PNISR: variants seen among roughly 807,000 people sequenced by gnomAD.
PNISR encodes the protein PNN interacting serine and arginine rich protein, also known as arginine/serine-rich protein PNISR.
In PNISR, 20 loss-of-function variants were observed where a neutral mutation model predicts 93.4. The observed-to-expected ratio is 0.21, with a 90% confidence interval of 0.15 to 0.31. The LOEUF is 0.31. PNISR is among the 10% of genes least tolerant of loss of function. The probability of loss-of-function intolerance (pLI) is 1.00; values close to 1 mark genes in which losing one functional copy is unlikely to be tolerated. For synonymous variants in PNISR, 305 were observed against 306.5 expected, an observed-to-expected ratio of 0.99 and a Z score of 0.05; for missense variants, 893 against 985.4, an observed-to-expected ratio of 0.91 and a Z score of 1.25.
intron 1 of PNISR, among the ~76,000 whole-genome samples, chr6:99,422,931 C>T (rs1432200909): frequency 6.8e-6 from 1 of 147,666 alleles, no homozygotes; most frequent in South Asian, 2.2e-4. Context: ...TATAAATACC[C>T]CCCCAATAAT....
chr6:99,424,403 T>C (rs888323162), intron 1 of PNISR, among the ~76,000 whole-genome samples: 14 of 141,840 alleles, frequency 9.9e-5, no homozygotes, highest in Non-Finnish European at 9.1e-5. Context: ...TAAAGTCTAT[T>C]AGTAAGTTAA....
chr6:99,419,946 G>A (rs1778318869), intron 1 of PNISR, among the ~76,000 whole-genome samples: 1 of 151,294 alleles, frequency 6.6e-6, no homozygotes, highest in African/African-American at 2.4e-5. Flanking sequence ...GTGCAGTGGT[G>A]CGATGTTGGC....
At chr6:99,412,172 A>C (rs910114587) in intron 4 of PNISR, 2 of 445,734 alleles carry the variant, frequency 4.5e-6, no homozygotes, top group African/African-American at 4.0e-5. Context: ...ACACAGTGAC[A>C]CAATTTTTCT....
At position 99,409,288 on chromosome 6, in the gene PNISR, T is replaced by A; in HGVS notation, c.558A>T (p.Pro186=). 6.2e-7 allele frequency: 1 copy of A among 1,613,934 alleles called. No homozygotes were observed. Among genetic ancestry groups the A allele is most frequent in the Non-Finnish European group, 8.5e-7 (1 of 1,179,932 alleles). Residue 186 remains proline (P), a synonymous_variant, in exon 6 of 12, where the codon CCA becomes CCT. Transcript: ENST00000369239. ...QGGFHPPYWQ[P]GPPGPPAPPQ... ...GAGGTGCTGGAGGTCCTGGAGGTCC[T>A]GGTTGCCAATAAGGAGGATGAAATC...
chr6:99,422,241 T>A (rs900458488), intron 1 of PNISR, among the ~76,000 whole-genome samples: 1 of 152,200 alleles, frequency 6.6e-6, no homozygotes, highest in Non-Finnish European at 1.5e-5. Context: ...AAATGTGGTA[T>A]TTTAAAGTCC....
chr6:99,418,755 C>T (rs1778080513), intron 1 of PNISR, among the ~76,000 whole-genome samples: 3 of 152,126 alleles, frequency 2.0e-5, no homozygotes, highest in South Asian at 4.1e-4. Flanking sequence ...TTTATTAAAG[C>T]GCTTTAATTA....
intron 1 of PNISR, among the ~76,000 whole-genome samples, chr6:99,422,946 TA>T (rs1168165676): frequency 6.8e-6 from 1 of 146,292 alleles, no homozygotes; most frequent in African/African-American, 2.5e-5. Flanking sequence ...AATAATAATT[TA>T]AAAATAAATG....
chr6:99,398,836 G>A lies in PNISR; in HGVS notation c.*1704C>T, dbSNP rs1271889862. 6.6e-6 allele frequency: 1 copy of A among 152,056 alleles called. No individual in the cohort carries two copies. Among genetic ancestry groups the A allele is most frequent in the East Asian group, 1.9e-4 (1 of 5,202 alleles). 9.4% of individuals were successfully genotyped at this position (152,056 alleles called of 1,614,324 possible). ...TATTGCACATTTTATTTTGTCTCCA[G>A]ATGTGATCGATGTCTAAACTATATA... On this transcript the variant is annotated 3_prime_UTR_variant, in exon 12 of 12. Coordinates refer to ENST00000369239, the MANE Select transcript of PNISR (RefSeq NM_032870.4).
rs377691945 is a variant in PNISR at position 99,399,925 on chromosome 6, C to T, written c.*615G>A. The stretch of plus-strand genomic sequence containing the variant: ...TTCCAGCTGCCTTTTTATAAAAGTA[C>T]GTTCCTTAGATTAAAACCATAAAAT... On this transcript the variant is annotated 3_prime_UTR_variant, in exon 12 of 12. Transcript: ENST00000369239. 1.3e-5 allele frequency: 2 copies of T among 151,938 alleles called. No individual in the cohort carries two copies. Among genetic ancestry groups the T allele is most frequent in the Non-Finnish European group, 2.9e-5 (2 of 67,968 alleles). The allele number at this position is 151,938 out of a possible 1,614,324, so 9.4% of individuals were successfully genotyped here.
chr6:99,406,919 G>GT (rs1398006919), intron 7 of PNISR, among the ~76,000 whole-genome samples: 3 of 152,176 alleles, frequency 2.0e-5, no homozygotes, highest in Admixed American at 1.3e-4. Context: ...AAAAATATAT[G>GT]TAACACAATC....
chr6:99,411,463 G>A (rs183742283), intron 4 of PNISR, among the ~76,000 whole-genome samples: 3 of 152,264 alleles, frequency 2.0e-5, no homozygotes, highest in Admixed American at 6.5e-5. Context: ...GGGTAGGGAT[G>A]CCCGCGGGAG....
intron 1 of PNISR, among the ~76,000 whole-genome samples, chr6:99,422,847 G>C (rs1222847237): frequency 1.5e-5 from 2 of 135,020 alleles, no homozygotes; most frequent in South Asian, 4.8e-4. Flanking sequence ...ACTGCACTCC[G>C]GTCTGGGAAA....
intron 1 of PNISR, among the ~76,000 whole-genome samples, chr6:99,418,167 T>C (rs1777983616): frequency 6.6e-6 from 1 of 151,874 alleles, no homozygotes; most frequent in Admixed American, 6.6e-5. Flanking sequence ...AGAGGCAGTC[T>C]CGCTCTGTCG....
intron 2 of PNISR, 51 bp downstream of exon 2, chr6:99,416,298 C>G: frequency 1.8e-6 from 1 of 544,998 alleles, no homozygotes; most frequent in Non-Finnish European, 2.8e-6. Context: ...TAAGAGTTAA[C>G]AAATAAATAG....
chr6:99,416,543 T>C (rs1777725733), intron 1 of PNISR, 115 bp from the exon 2 acceptor site: 1 of 399,240 alleles, frequency 2.5e-6, no homozygotes, highest in African/African-American at 2.1e-5. Context: ...TTTCCTTGCA[T>C]TAACTTTATA....
chr6:99,400,640 G>A lies in PNISR; in HGVS notation c.2318C>T (p.Ala773Val). 1 of 1,613,968 alleles carries A rather than the reference G, an allele frequency of 6.2e-7. No individual in the cohort carries two copies. The highest frequency in any genetic ancestry group is 8.5e-7 in the Non-Finnish European group (1 of 1,179,966). ...ESPGSSKEKK[A>V]KKPKHSRSRS... ...CGATCGACTATGTTTAGGCTTCTTA[G>A]CCTTCTTTTCTTTGCTACTTCCTGG... The change falls in exon 12 of 12, where the codon GCT (alanine) becomes GTT (valine). Residue 773 changes from alanine to valine, a missense_variant. Transcript: ENST00000369239.
chr6:99,407,236 C>T (rs1345389709), intron 7 of PNISR, among the ~76,000 whole-genome samples: 1 of 150,990 alleles, frequency 6.6e-6, no homozygotes, highest in Non-Finnish European at 1.5e-5. Context: ...GAGAGGATTG[C>T]TTGAGTCCAG....
At chr6:99,414,962 A>C in intron 2 of PNISR, 1 of 177,960 alleles carries the variant, frequency 5.6e-6, no homozygotes, top group Non-Finnish European at 1.2e-5. Flanking sequence ...TACAATATAA[A>C]TTTCTGGATA....
chr6:99,404,669 G>A lies in PNISR; in HGVS notation c.1036C>T (p.Leu346=). 1.2e-6 allele frequency: 2 copies of A among 1,603,044 alleles called. No individual in the cohort carries two copies. The highest frequency in any genetic ancestry group is 1.7e-6 in the Non-Finnish European group (2 of 1,170,238). Residue 346 remains leucine, a synonymous_variant, in exon 9 of 12, where the codon CTG becomes TTG. Transcript: ENST00000369239. ...LLTKMLLTEI[L]LDVTDEEIYY... Reference sequence around the variant, plus strand: ...ATTTCTTCATCTGTGACATCCAGCAGAATTTCTGTTAGAAGCATTTTTGTC... The same window carrying A: ...ATTTCTTCATCTGTGACATCCAGCAAAATTTCTGTTAGAAGCATTTTTGTC...
Sources: allele counts gnomAD v4.1 joint callset (sites outside exome capture counted in the v4.1 genomes callset), GRCh38; gene constraint gnomAD v4.1.1; transcripts MANE v1.5; gene names NCBI Gene and HGNC (gene_info 2026-07-23, HGNC 2026-07-21).